Variants in RALGAPA1 observed in about 807,000 individuals in gnomAD.
RALGAPA1 encodes ral GTPase-activating protein subunit alpha-1.
A neutral mutation model predicts 269.6 loss-of-function variants in RALGAPA1; 52 were observed. The ratio of observed to expected loss-of-function variants is 0.19; its 90% CI spans 0.15 to 0.24. The LOEUF is 0.24. Among genes scored for constraint, RALGAPA1 ranks in the 10% least tolerant of loss-of-function variants. The probability of loss-of-function intolerance (pLI) is 1.00; values close to 1 mark genes in which losing one functional copy is unlikely to be tolerated. For synonymous variants in RALGAPA1, 817 were observed against 1,008.3 expected (o/e 0.81, Z 3.60); for missense variants, 1,917 against 3,013.9 (o/e 0.64, Z 8.52).
intron 10 of RALGAPA1, among the ~76,000 whole-genome samples, chr14:35,747,642 A>G (rs1395621654): frequency 6.6e-6 from 1 of 152,208 alleles, no homozygotes; most frequent in East Asian, 1.9e-4. Context: ...CTGAATAAAG[A>G]GCACTGACAT....
At chr14:35,643,040 G>C (rs2062132278) in intron 31 of RALGAPA1, among the ~76,000 whole-genome samples, 1 of 152,110 alleles carries the variant, frequency 6.6e-6, no homozygotes, top group Admixed American at 6.6e-5. Context: ...TAGGGACATG[G>C]ATAAAGCTGG....
intron 26 of RALGAPA1, 67 bp downstream of exon 26, chr14:35,671,322 T>A (rs1292734824): frequency 1.0e-5 from 14 of 1,388,256 alleles, no homozygotes; most frequent in Non-Finnish European, 1.4e-5. Context: ...TTGTTATGTT[T>A]TATCAACTTT....
At chr14:35,613,125 A>T in intron 35 of RALGAPA1, among the ~76,000 whole-genome samples, 1 of 151,184 alleles carries the variant, frequency 6.6e-6, no homozygotes. Flanking sequence ...TCTGTCATCC[A>T]GGCTGGAGGG....
At chr14:35,644,173 T>C (rs1186975854) in intron 31 of RALGAPA1, among the ~76,000 whole-genome samples, 1 of 152,190 alleles carries the variant, frequency 6.6e-6, no homozygotes, top group Non-Finnish European at 1.5e-5. Flanking sequence ...ACCTACTATG[T>C]ACCCAGAACA....
intron 9 of RALGAPA1, among the ~76,000 whole-genome samples, chr14:35,749,155 C>T (rs1458629547): frequency 6.6e-6 from 1 of 152,140 alleles, no homozygotes; most frequent in Non-Finnish European, 1.5e-5. Context: ...GAATTAGAGA[C>T]AGCTCAGACC....
At chr14:35,572,885 G>A in intron 37 of RALGAPA1, 167 bp from the exon 38 acceptor site, 1 of 407,932 alleles carries the variant, frequency 2.5e-6, no homozygotes, top group Non-Finnish European at 4.3e-6. Context: ...AGGAGACACT[G>A]CAGAAGACCA....
chr14:35,625,510 T>A, intron 34 of RALGAPA1, 78 bp from the exon 35 acceptor site: 1 of 1,017,884 alleles, frequency 9.8e-7, no homozygotes, highest in Non-Finnish European at 1.4e-6. Context: ...CTTTCCACTC[T>A]ACTCATGCAA....
At chr14:35,619,534 C>A (rs980728037) in intron 35 of RALGAPA1, among the ~76,000 whole-genome samples, 2 of 152,116 alleles carry the variant, frequency 1.3e-5, no homozygotes, top group African/African-American at 4.8e-5. Flanking sequence ...ACACAAAAAA[C>A]CCTTCAAATA....
At chr14:35,720,540 A>T (rs944593452) in intron 16 of RALGAPA1, among the ~76,000 whole-genome samples, 2 of 152,202 alleles carry the variant, frequency 1.3e-5, no homozygotes, top group Non-Finnish European at 2.9e-5. Context: ...TTTTCATAGA[A>T]GCATTGATTG....
chr14:35,725,815 T>G (rs1443009705), intron 13 of RALGAPA1, among the ~76,000 whole-genome samples: 4 of 152,112 alleles, frequency 2.6e-5, no homozygotes, highest in Non-Finnish European at 5.9e-5. Context: ...GCAGTGAGCT[T>G]GATAATTAAT....
intron 31 of RALGAPA1, among the ~76,000 whole-genome samples, chr14:35,648,443 G>A (rs1254595408): frequency 6.7e-6 from 1 of 150,186 alleles, no homozygotes; most frequent in Non-Finnish European, 1.5e-5. Context: ...TCCAGCTTGG[G>A]CAACAGAGCA....
chr14:35,759,381 T>G (rs1342996685), intron 6 of RALGAPA1, among the ~76,000 whole-genome samples: 2 of 152,136 alleles, frequency 1.3e-5, no homozygotes, highest in East Asian at 3.9e-4. Flanking sequence ...GTGGTTGCAC[T>G]TGGAGAGAGG....
At chr14:35,665,245 T>A (rs1164787588) in intron 26 of RALGAPA1, among the ~76,000 whole-genome samples, 1 of 152,206 alleles carries the variant, frequency 6.6e-6, no homozygotes, top group Non-Finnish European at 1.5e-5. Context: ...AAGAAAAGCA[T>A]TGCCTATACC....
chr14:35,609,581 T>A (rs2139273638), intron 35 of RALGAPA1, among the ~76,000 whole-genome samples: 1 of 152,170 alleles, frequency 6.6e-6, no homozygotes, highest in Admixed American at 6.5e-5. Context: ...CCTTTCAGAA[T>A]GAAAGAACAA....
intron 37 of RALGAPA1, among the ~76,000 whole-genome samples, chr14:35,590,652 G>A (rs2058579125): frequency 1.3e-5 from 2 of 152,196 alleles, no homozygotes; most frequent in South Asian, 4.1e-4. Context: ...GGAACTGTGA[G>A]TCAATTAAAC....
At chr14:35,588,211 G>A (rs1309320802) in intron 37 of RALGAPA1, among the ~76,000 whole-genome samples, 2 of 152,230 alleles carry the variant, frequency 1.3e-5, no homozygotes, top group South Asian at 2.1e-4. Flanking sequence ...TTACAGGCGT[G>A]AGCCATCGCT....
chr14:35,807,557 C>T (rs1005122060), intron 1 of RALGAPA1, among the ~76,000 whole-genome samples: 1 of 152,208 alleles, frequency 6.6e-6, no homozygotes, highest in Non-Finnish European at 1.5e-5. Flanking sequence ...AGCTGGCTGA[C>T]TACTCGATGT....
chr14:35,571,475 G>C (rs564023083), intron 38 of RALGAPA1, among the ~76,000 whole-genome samples: 6 of 152,048 alleles, frequency 3.9e-5, no homozygotes, highest in African/African-American at 1.4e-4. Context: ...AAGAGTTCGA[G>C]ACCAGCCTGA....
intron 39 of RALGAPA1, among the ~76,000 whole-genome samples, chr14:35,550,439 T>C (rs1307404862): frequency 2.0e-5 from 3 of 152,158 alleles, no homozygotes; most frequent in Non-Finnish European, 4.4e-5. Flanking sequence ...CAAAATTCCT[T>C]ATTTTTTAAA....
Sources: gnomAD v4.1 joint callset for allele counts (sites outside exome capture counted in the v4.1 genomes callset) on GRCh38, gnomAD v4.1.1 for gene constraint, MANE v1.5 for transcripts, NCBI Gene and HGNC (gene_info 2026-07-23, HGNC 2026-07-21) for gene names.